The following ZNF836 variants were observed in gnomAD, a reference collection of about 807,000 sequenced individuals.
The protein encoded by ZNF836 is zinc finger protein 836.
Under a neutral mutation model 7.4 loss-of-function variants are expected in ZNF836, and 12 were observed. That is an observed-to-expected ratio of 1.61 (90% CI 1.03 to 2.61). ZNF836 has a LOEUF of 2.61. Among genes scored for constraint, ZNF836 ranks in the 30% most tolerant of loss-of-function variants. The pLI is 0.00. For synonymous variants in ZNF836, 365 were observed against 382.6 expected, an observed-to-expected ratio of 0.95 and a Z score of 0.54; for missense variants, 998 against 1,126.2, an observed-to-expected ratio of 0.89 and a Z score of 1.63.
chr19:52,164,243 A>G (rs1202597897), intron 3 of ZNF836, among the ~76,000 whole-genome samples: 1 of 152,024 alleles, frequency 6.6e-6, no homozygotes, highest in Non-Finnish European at 1.5e-5. Context: ...AATATAAAAA[A>G]TTAGCCAGGC....
rs1204057474 is a variant in ZNF836, at chr19:52,157,208, C to A, written c.475G>T (p.Gly159Trp). 1.2e-6 allele frequency: 2 copies of A among 1,611,672 alleles called. No individual in the cohort carries two copies. Among genetic ancestry groups the A allele is most frequent in the African/African-American group, 2.7e-5 (2 of 74,872 alleles). The change falls in exon 5 of 5, where the codon GGG (glycine) becomes TGG (tryptophan). Residue 159 changes from glycine to tryptophan, a missense_variant. Physicochemically the swap from Gly to Trp is radical, Grantham distance 184. Coordinates refer to ENST00000682614, the MANE Select transcript of ZNF836 (RefSeq NM_001102657.3). ...LTELQKFQTE[G>W]KIYECNQSEK... ...GATTGGTTACACTCATAAATTTTCCCTTCAGTTTGAAATTTCTGCAGTTCA... is the reference window on the plus strand; with the variant it reads ...GATTGGTTACACTCATAAATTTTCCATTCAGTTTGAAATTTCTGCAGTTCA...
chr19:52,160,627 G>T (rs779220189), intron 3 of ZNF836, 36 bp from the exon 4 acceptor site: 2 of 1,581,572 alleles, frequency 1.3e-6, no homozygotes, highest in Non-Finnish European at 1.7e-6. Flanking sequence ...TGAGCAATGG[G>T]AGAGCTCTTA....
intron 4 of ZNF836, among the ~76,000 whole-genome samples, chr19:52,157,869 G>A (rs1482077023): frequency 4.6e-5 from 7 of 151,752 alleles, no homozygotes; most frequent in South Asian, 2.1e-4. Context: ...GCGCCTGGCC[G>A]AACATAGATT....
rs548156280 is a variant in ZNF836, at chr19:52,161,256, G to C, written c.16-665C>G. Among the ~76,000 whole-genome samples the C allele has an allele frequency of 6.6e-6, 1 of 152,146 alleles. No individual in the cohort carries two copies. The highest frequency in any genetic ancestry group is 1.5e-5 in the Non-Finnish European group (1 of 68,028). ...AAACAAATGGTTAAATTATGGTTAC[G>C]GTATGTCTTAGTCTCTCTGTGCTGC... is the stretch of plus-strand genomic sequence containing the variant. On this transcript the variant is annotated intron_variant, in intron 3 of 4. Transcript: ENST00000682614. The surrounding 1 kb of genome is among the most constrained non-coding windows in gnomAD (Gnocchi z 4.1).
At chr19:52,170,024 A>G (rs2089296235) in intron 1 of ZNF836, among the ~76,000 whole-genome samples, 1 of 152,152 alleles carries the variant, frequency 6.6e-6, no homozygotes, top group Admixed American at 6.5e-5. Flanking sequence ...CCTCACGAGT[A>G]CAATTTAAAG....
Position 52,156,786 on chromosome 19 carries a change from C to A in ZNF836, c.897G>T (p.Glu299Asp), listed in dbSNP as rs2089165789. 3 of 1,614,134 alleles carry A rather than the reference C, an allele frequency of 1.9e-6. No individual in the cohort carries two copies. Among genetic ancestry groups the A allele is most frequent in the Non-Finnish European group, 2.5e-6 (3 of 1,180,006 alleles). The change falls in exon 5 of 5, where the codon GAG becomes GAT. Residue 299 changes from glutamate (E) to aspartate (D), a missense_variant. Glu to Asp is a conservative substitution (Grantham distance 45). Coordinates refer to ENST00000682614, the MANE Select transcript of ZNF836 (RefSeq NM_001102657.3). ...LVNHRRSHTG[E>D]KPYKCNECGK... ...CACATTCATTACATTTGTACGGTTT[C>A]TCTCCAGTGTGACTTCTCCGGTGAT... is the stretch of plus-strand genomic sequence containing the variant.
chr19:52,157,184 A>G lies in ZNF836; in HGVS notation c.499T>C (p.Ser167Pro), dbSNP rs1229603603. ...GAACTGTTATTAACTGTCTTCTCAG[A>G]TTGGTTACACTCATAAATTTTCCCT... Reference protein sequence around the residue: ...TEGKIYECNQSEKTVNNSSLV... With the variant: ...TEGKIYECNQPEKTVNNSSLV... Residue 167 changes from serine to proline, a missense_variant, in exon 5 of 5, where the codon TCT (serine) becomes CCT (proline). By Grantham distance (74) the Ser-to-Pro change is moderately conservative (BLOSUM62 -1). Coordinates refer to ENST00000682614, the MANE Select transcript of ZNF836 (RefSeq NM_001102657.3). The G allele has an allele frequency of 1.2e-6, 2 of 1,613,106 alleles. No individual in the cohort carries two copies. The highest frequency in any genetic ancestry group is 1.7e-6 in the Non-Finnish European group (2 of 1,179,382).
Position 52,155,500 on chromosome 19 carries a change from C to A in ZNF836, c.2183G>T (p.Gly728Val). Residue 728 changes from glycine to valine, a missense_variant, in exon 5 of 5, where the codon GGT becomes GTT. By Grantham distance (109) the Gly-to-Val change is moderately radical. Coordinates refer to ENST00000682614, the MANE Select transcript of ZNF836 (RefSeq NM_001102657.3). Reference protein sequence around the residue: ...GEKPHKCSHCGRTFSHITGLT... With the variant: ...GEKPHKCSHCVRTFSHITGLT... ...GCCTGTTATATGACTAAAAGTTCTA[C>A]CACAATGGCTACATTTGTGTGGTTT... The A allele has an allele frequency of 6.2e-7, 1 of 1,613,984 alleles. No individual in the cohort carries two copies. Among genetic ancestry groups the A allele is most frequent in the Non-Finnish European group, 8.5e-7 (1 of 1,179,904 alleles).
chr19:52,158,615 C>T (rs911619297), intron 4 of ZNF836, among the ~76,000 whole-genome samples: 6 of 151,908 alleles, frequency 3.9e-5, no homozygotes, highest in African/African-American at 1.5e-4. Flanking sequence ...TGGTGGTGTG[C>T]ACCTGTAATC....
chr19:52,167,695 G>A (rs1419732882), intron 3 of ZNF836, among the ~76,000 whole-genome samples: 1 of 152,046 alleles, frequency 6.6e-6, no homozygotes, highest in East Asian at 1.9e-4. Context: ...ATTAATATGT[G>A]ACTTCCGTGT....
chr19:52,164,096 GAA>G, intron 3 of ZNF836, among the ~76,000 whole-genome samples: 1 of 150,882 alleles, frequency 6.6e-6, no homozygotes. Context: ...AAGTGAGAAA[GAA>G]AGAGAGTAAT....
At position 52,160,564 on chromosome 19, in the gene ZNF836, T is replaced by C. The variant is rs764817831; in HGVS notation, c.43A>G (p.Ile15Val). The C allele has an allele frequency of 2.7e-5, 44 of 1,613,100 alleles. No individual in the cohort carries two copies. Among genetic ancestry groups the C allele is most frequent in the Non-Finnish European group, 3.5e-5 (41 of 1,179,826 alleles). The change falls in exon 4 of 5, where the codon ATA (isoleucine) becomes GTA (valine). Residue 15 changes from isoleucine to valine, a missense_variant. By Grantham distance (29) the Ile-to-Val change is conservative. Transcript: ENST00000682614. ...QGPLTFRDVA[I>V]EFSQEEWKSL... ...TTCCACTCCTCCTGAGAGAATTCTA[T>C]GGCTACATCCCTGAATGTCAAAGGT...
chr19:52,166,074 C>T (rs889369782), intron 3 of ZNF836, among the ~76,000 whole-genome samples: 2 of 152,114 alleles, frequency 1.3e-5, no homozygotes, highest in African/African-American at 4.8e-5. Flanking sequence ...TCACTGCAAC[C>T]TCTGCCTCCT....
At position 52,156,868 on chromosome 19, in the gene ZNF836, T is replaced by C; in HGVS notation, c.815A>G (p.Lys272Arg). Reference sequence around the variant, plus strand: ...GCCACATACACCACATTGATATGGCTTCCCCCTTGTATGGACTATCTGATG... The same window carrying C: ...GCCACATACACCACATTGATATGGCCTCCCCCTTGTATGGACTATCTGATG... ...TIHQIVHTRG[K>R]PYQCGVCGKI... The change falls in exon 5 of 5, where the codon AAG becomes AGG. Residue 272 changes from lysine to arginine, a missense_variant. By Grantham distance (26) the Lys-to-Arg change is conservative. Coordinates refer to ENST00000682614, the MANE Select transcript of ZNF836 (RefSeq NM_001102657.3). The C allele has an allele frequency of 6.2e-7, 1 of 1,614,200 alleles. No individual in the cohort carries two copies. Among genetic ancestry groups the C allele is most frequent in the Admixed American group, 1.7e-5 (1 of 60,032 alleles).
chr19:52,155,220 C>T lies in ZNF836; in HGVS notation c.2463G>A (p.Leu821=). 2.5e-6 allele frequency: 4 copies of T among 1,613,848 alleles called. No individual in the cohort carries two copies. Among genetic ancestry groups the T allele is most frequent in the East Asian group, 2.2e-5 (1 of 44,860 alleles). Residue 821 remains leucine (L), a synonymous_variant, in exon 5 of 5, where the codon CTG becomes CTA. Coordinates refer to ENST00000682614, the MANE Select transcript of ZNF836 (RefSeq NM_001102657.3). ...CAGTATGCATTTTCTGATGATTAAC[C>T]AGAATTGAACGCACTCTAAAGGCTT... ...CGKAFRVRSI[L]VNHQKMHTGD... is the part of the protein sequence containing the mutation.
intron 3 of ZNF836, among the ~76,000 whole-genome samples, chr19:52,162,073 C>T (rs1178276393): frequency 6.6e-6 from 1 of 152,212 alleles, no homozygotes; most frequent in Non-Finnish European, 1.5e-5. Context: ...ACCTTCTAGA[C>T]ATCCTGGAGT....
In ZNF836 at chr19:52,157,938, A is replaced by T. The variant is rs577732324; in HGVS notation, c.143-398T>A. Among the ~76,000 whole-genome samples, 9 of 152,254 alleles carry T rather than the reference A, an allele frequency of 5.9e-5. No individual in the cohort carries two copies. In the South Asian group the frequency reaches 1.0e-3, roughly 18 times the overall value. ...AATAACTACTATTCATAAATATTTTATATTGAAAACATACTACACTAAAAG... is the reference window on the plus strand; with the variant it reads ...AATAACTACTATTCATAAATATTTTTTATTGAAAACATACTACACTAAAAG... On this transcript the variant is annotated intron_variant, in intron 4 of 4. Transcript: ENST00000682614.
chr19:52,169,650 C>G lies in ZNF836; in HGVS notation c.-83G>C, dbSNP rs747464578. ...TGAATACTCATACAAAGATATACCT[C>G]GTAGGCCTGGCGTGGTGGCTCCCGT... On this transcript the variant is annotated splice_region_variant and 5_prime_UTR_variant, in exon 2 of 5. Coordinates refer to ENST00000682614, the MANE Select transcript of ZNF836 (RefSeq NM_001102657.3). 6.6e-6 allele frequency: 1 copy of G among 151,738 alleles called. No homozygotes were observed. The highest frequency in any genetic ancestry group is 6.6e-5 in the Admixed American group (1 of 15,190). The allele number at this position is 151,738 out of a possible 1,614,324, so 9.4% of individuals were successfully genotyped here.
Position 52,156,481 on chromosome 19 carries a change from AG to A in ZNF836, c.1201del (p.Leu401TrpfsTer34). The A allele has an allele frequency of 6.2e-7, 1 of 1,614,168 alleles. No individual in the cohort carries two copies. The highest frequency in any genetic ancestry group is 8.5e-7 in the Non-Finnish European group (1 of 1,180,034). On this transcript the variant is annotated frameshift_variant, in exon 5 of 5. Transcript: ENST00000682614. LOFTEE classifies it low-confidence loss of function (END_TRUNC). ...CGKSFSQSSN[L>X]ATHQTVHSGN... ...ACTATGAACTGTCTGATGAGTTGCC[AG>A]GTTGGAACTTTGACTAAAGGACTTT...
Sources: allele counts gnomAD v4.1 joint callset (sites outside exome capture counted in the v4.1 genomes callset), GRCh38; gene constraint gnomAD v4.1.1; non-coding constraint Gnocchi (gnomAD v3.1); transcripts MANE v1.5; gene names NCBI Gene and HGNC (gene_info 2026-07-23, HGNC 2026-07-21).